The following CSMD3 variants were observed in gnomAD, a reference collection of about 807,000 sequenced individuals.
CSMD3 encodes CUB and sushi domain-containing protein 3.
A neutral mutation model predicts 435.2 loss-of-function variants in CSMD3; 177 were observed. The ratio of observed to expected loss-of-function variants is 0.41; its 90% CI spans 0.36 to 0.46. CSMD3 has a LOEUF of 0.46. Ranked by LOEUF, CSMD3 falls within the 20% of genes least tolerant of loss-of-function variation. The pLI is 0.34. For missense variants in CSMD3, 4,265 were observed against 4,504.6 expected (o/e 0.95, Z 1.52); for synonymous variants, 1,656 against 1,520.5 (o/e 1.09, Z -2.07).
intron 6 of CSMD3, among the ~76,000 whole-genome samples, chr8:113,018,568 CAA>C (rs1294114939): frequency 6.6e-6 from 1 of 152,020 alleles, no homozygotes; most frequent in African/African-American, 2.4e-5. Context: ...AATCTTGTTC[CAA>C]AGAGTTTTTC....
At chr8:112,484,981 C>T (rs1819981031) in intron 31 of CSMD3, among the ~76,000 whole-genome samples, 1 of 152,122 alleles carries the variant, frequency 6.6e-6, no homozygotes, top group Admixed American at 6.5e-5. Flanking sequence ...TTGCAAATTA[C>T]TTCTTACATT....
rs999141157 is a variant in CSMD3 at position 112,306,005 on chromosome 8, A to T, written c.8071+2T>A. On this transcript the variant is annotated splice_donor_variant, in intron 51 of 70. Coordinates refer to ENST00000297405, the MANE Select transcript of CSMD3 (RefSeq NM_198123.2). LOFTEE classifies it high-confidence loss of function. ...GTGATGAAATTCCCTTGACACACATACCAACACAGCGAGGGGTCTTGTTAT... is the reference window on the plus strand; with the variant it reads ...GTGATGAAATTCCCTTGACACACATTCCAACACAGCGAGGGGTCTTGTTAT... The T allele has an allele frequency of 6.2e-7, 1 of 1,612,482 alleles. No individual in the cohort carries two copies. Among genetic ancestry groups the T allele is most frequent in the Non-Finnish European group, 8.5e-7 (1 of 1,178,564 alleles).
intron 38 of CSMD3, among the ~76,000 whole-genome samples, chr8:112,356,228 G>T (rs185220621): frequency 1.3e-5 from 2 of 152,204 alleles, no homozygotes; most frequent in East Asian, 1.9e-4. Flanking sequence ...ACATGCACTC[G>T]TATGTTTATC....
chr8:112,638,353 T>C (rs920783454), intron 21 of CSMD3, among the ~76,000 whole-genome samples: 9 of 151,120 alleles, frequency 6.0e-5, no homozygotes, highest in Non-Finnish European at 1.2e-4. Flanking sequence ...AACTTTAAAA[T>C]ATATATTTTA....
intron 3 of CSMD3, among the ~76,000 whole-genome samples, chr8:113,195,362 C>T (rs551738147): frequency 4.7e-5 from 7 of 150,108 alleles, no homozygotes; most frequent in African/African-American, 1.7e-4. Context: ...TATTACAAGT[C>T]AGAAAAAAGG....
chr8:113,308,703 T>C (rs1400833792), intron 2 of CSMD3, among the ~76,000 whole-genome samples: 1 of 152,224 alleles, frequency 6.6e-6, no homozygotes, highest in African/African-American at 2.4e-5. Context: ...AATGATGTGA[T>C]AGCTTATACT....
rs563486012 is a variant in CSMD3 at position 113,266,519 on chromosome 8, TA to T, written c.514+12072del. On this transcript the variant is annotated intron_variant, in intron 3 of 70. Transcript: ENST00000297405. Reference sequence around the variant, plus strand: ...ATACAGTTCTCAAATGTAAGACATTTAAATACATTTTTTATAGTAAGTGCTT... The same window carrying T: ...ATACAGTTCTCAAATGTAAGACATTTAATACATTTTTTATAGTAAGTGCTT... Among the ~76,000 whole-genome samples the T allele has an allele frequency of 2.9e-3, 440 of 151,726 alleles. 2 individuals are homozygous for T. Among genetic ancestry groups the T allele is most frequent in the African/African-American group, 9.8e-3 (405 of 41,536 alleles).
chr8:112,945,297 C>T (rs1457004664), intron 9 of CSMD3, among the ~76,000 whole-genome samples: 2 of 151,726 alleles, frequency 1.3e-5, no homozygotes, highest in Non-Finnish European at 2.9e-5. Context: ...CTGTCTTTCA[C>T]TCAGACTACT....
chr8:112,506,201 A>G (rs1822497175), intron 29 of CSMD3, among the ~76,000 whole-genome samples: 1 of 152,154 alleles, frequency 6.6e-6, no homozygotes, highest in Non-Finnish European at 1.5e-5. Flanking sequence ...ATGAGTTCAA[A>G]TTATCTTTAC....
intron 2 of CSMD3, chr8:113,312,390 C>T (rs2132657927): frequency 6.6e-6 from 1 of 152,190 alleles, no homozygotes. Flanking sequence ...AGTCACTGAG[C>T]TTTCATTATA....
At chr8:113,344,750 T>C (rs1440900364) in intron 1 of CSMD3, among the ~76,000 whole-genome samples, 1 of 152,156 alleles carries the variant, frequency 6.6e-6, no homozygotes, top group East Asian at 1.9e-4. Context: ...GCCACTCATA[T>C]TTTCTGTAGC....
chr8:112,339,373 T>C (rs1447715752), intron 42 of CSMD3, among the ~76,000 whole-genome samples: 1 of 151,980 alleles, frequency 6.6e-6, no homozygotes, highest in Non-Finnish European at 1.5e-5. Context: ...TTCATCTACA[T>C]GGGGTGAGCA....
intron 13 of CSMD3, among the ~76,000 whole-genome samples, chr8:112,698,477 C>A (rs1015900886): frequency 6.6e-6 from 1 of 151,922 alleles, no homozygotes; most frequent in Non-Finnish European, 1.5e-5. Flanking sequence ...TTCTACATAC[C>A]ATTCTTCACT....
At chr8:112,370,723 T>TC (rs1166616360) in intron 38 of CSMD3, among the ~76,000 whole-genome samples, 1 of 124,268 alleles carries the variant, frequency 8.0e-6, no homozygotes, top group East Asian at 2.6e-4. Context: ...CCCTCAACTC[T>TC]CCATCTATTT....
intron 10 of CSMD3, among the ~76,000 whole-genome samples, chr8:112,881,190 C>A (rs959777133): frequency 3.3e-5 from 5 of 151,926 alleles, no homozygotes; most frequent in African/African-American, 1.2e-4. Flanking sequence ...ACAACCCAAA[C>A]AAGTTGATTA....
intron 32 of CSMD3, among the ~76,000 whole-genome samples, chr8:112,413,458 T>A (rs375347396): frequency 2.9e-4 from 44 of 152,332 alleles, no homozygotes; most frequent in African/African-American, 1.1e-3. Flanking sequence ...TGAGACTTCA[T>A]CCAATTTGCT....
chr8:112,547,796 G>C (rs2131173667), intron 27 of CSMD3, among the ~76,000 whole-genome samples: 1 of 152,248 alleles, frequency 6.6e-6, no homozygotes, highest in East Asian at 1.9e-4. Context: ...CAGAGAGAGA[G>C]AGAGTGTATG....
At chr8:112,901,896 G>A (rs556919334) in intron 10 of CSMD3, among the ~76,000 whole-genome samples, 302 of 151,460 alleles carry the variant, frequency 2.0e-3, no homozygotes, top group African/African-American at 7.0e-3. Flanking sequence ...ATGGGGAAGA[G>A]GAGTTAATGA....
chr8:113,318,275 C>A (rs12155675), intron 1 of CSMD3, among the ~76,000 whole-genome samples: 4,502 of 152,170 alleles, frequency 0.03, 85 homozygotes, highest in Non-Finnish European at 0.04. Flanking sequence ...TTTTGAAAGG[C>A]AAATTTTGTT....
Sources: gnomAD v4.1 joint callset for allele counts (sites outside exome capture counted in the v4.1 genomes callset) on GRCh38, gnomAD v4.1.1 for gene constraint, MANE v1.5 for transcripts, NCBI Gene and HGNC (gene_info 2026-07-23, HGNC 2026-07-21) for gene names.